MTPAP: variants seen among roughly 807,000 people sequenced by gnomAD.
The protein encoded by MTPAP is mitochondrial poly(A) polymerase.
MTPAP carries 23 observed loss-of-function variants against 48.7 expected under a neutral mutation model. The ratio of observed to expected loss-of-function variants is 0.47; its 90% CI spans 0.34 to 0.67. The LOEUF is 0.67. Ranked by LOEUF, MTPAP falls within the 30% of genes least tolerant of loss-of-function variation. MTPAP has a pLI of 0.01. For missense variants in MTPAP, 614 were observed against 694.3 expected, an observed-to-expected ratio of 0.88 and a Z score of 1.30; for synonymous variants, 257 against 254.1, an observed-to-expected ratio of 1.01 and a Z score of -0.11.
chr10:30,322,377 CT>C lies in MTPAP; in HGVS notation c.1219+13del, dbSNP rs1183753338. On this transcript the variant is annotated intron_variant, in intron 6 of 8. Coordinates refer to ENST00000263063, the MANE Select transcript of MTPAP (RefSeq NM_018109.4). ...TTGGAAAAAGAAAATGGAGAAGTTT[CT>C]TTCTAGTCTTACCTGCTAGGGTTTT... is the stretch of plus-strand genomic sequence containing the variant. 5.2e-6 allele frequency: 8 copies of C among 1,551,778 alleles called. No homozygotes were observed. Among genetic ancestry groups the C allele is most frequent in the Non-Finnish European group, 6.2e-6 (7 of 1,123,812 alleles).
chr10:30,338,051 G>A (rs2132864813), intron 3 of MTPAP, among the ~76,000 whole-genome samples: 1 of 152,030 alleles, frequency 6.6e-6, no homozygotes, highest in South Asian at 2.1e-4. Context: ...CTTGAGCTCA[G>A]GAGTGAGACC....
At chr10:30,340,779 C>T (rs1305976187) in intron 2 of MTPAP, among the ~76,000 whole-genome samples, 2 of 151,900 alleles carry the variant, frequency 1.3e-5, no homozygotes, top group Non-Finnish European at 2.9e-5. Flanking sequence ...ATTAGCCAGG[C>T]GTGGTGGCAG....
chr10:30,315,868 A>C, intron 8 of MTPAP, 95 bp downstream of exon 8: 3 of 1,288,370 alleles, frequency 2.3e-6, no homozygotes, highest in Non-Finnish European at 3.2e-6. Context: ...AAAAGAAATA[A>C]ATAACATTTA....
At chr10:30,342,853 T>C (rs1039083289) in intron 1 of MTPAP, among the ~76,000 whole-genome samples, 2 of 152,192 alleles carry the variant, frequency 1.3e-5, no homozygotes, top group Non-Finnish European at 2.9e-5. Context: ...CTGATAATTT[T>C]ACTAAGGAAA....
chr10:30,332,534 T>C (rs1834680940), intron 4 of MTPAP, among the ~76,000 whole-genome samples: 1 of 152,118 alleles, frequency 6.6e-6, no homozygotes, highest in Admixed American at 6.5e-5. Flanking sequence ...CCTCAAGTGA[T>C]CCACCCGACT....
At chr10:30,323,164 G>A (rs1390766190) in intron 5 of MTPAP, among the ~76,000 whole-genome samples, 9 of 140,316 alleles carry the variant, frequency 6.4e-5, no homozygotes, top group African/African-American at 2.4e-4. Context: ...AGAAAATGTA[G>A]ATCTAGGACC....
At chr10:30,314,015 G>C in intron 8 of MTPAP, 44 bp from the exon 9 acceptor site, 1 of 1,592,650 alleles carries the variant, frequency 6.3e-7, no homozygotes, top group Non-Finnish European at 8.6e-7. Flanking sequence ...AGTACATGAA[G>C]GGCTTAAATA....
At chr10:30,348,363 C>A (rs1165724387) in intron 1 of MTPAP, among the ~76,000 whole-genome samples, 1 of 152,196 alleles carries the variant, frequency 6.6e-6, no homozygotes, top group African/African-American at 2.4e-5. Context: ...TCTAAATTAA[C>A]TGAGCTAGTG....
At chr10:30,341,702 G>T in intron 1 of MTPAP, 62 bp from the exon 2 acceptor site, 1 of 1,582,512 alleles carries the variant, frequency 6.3e-7, no homozygotes, top group Non-Finnish European at 8.6e-7. Context: ...AAAATATTTT[G>T]ATAAGGTGTT....
chr10:30,317,488 T>A (rs185048942), intron 6 of MTPAP, among the ~76,000 whole-genome samples: 9 of 152,322 alleles, frequency 5.9e-5, no homozygotes, highest in African/African-American at 9.6e-5. Flanking sequence ...AGTATTTATA[T>A]CTTAAGAGGT....
intron 4 of MTPAP, among the ~76,000 whole-genome samples, chr10:30,332,690 C>T (rs1834683732): frequency 6.6e-6 from 1 of 152,114 alleles, no homozygotes; most frequent in African/African-American, 2.4e-5. Flanking sequence ...TAAGACTCAA[C>T]TAAAAGTTTC....
intron 4 of MTPAP, among the ~76,000 whole-genome samples, chr10:30,330,874 T>C (rs1472284550): frequency 2.6e-5 from 4 of 152,234 alleles, no homozygotes; most frequent in Admixed American, 6.5e-5. Flanking sequence ...GATGAAACAC[T>C]GGTCAGCCTG....
rs571234586 is a variant in MTPAP at position 30,346,527 on chromosome 10, T to C, written c.157+2592A>G. The stretch of plus-strand genomic sequence containing the variant: ...TCTCTTAATAGTTTTCCAAGCACTG[T>C]CACATACACACTCTTCTGAAATTCA... On this transcript the variant is annotated intron_variant, in intron 1 of 8. Coordinates refer to ENST00000263063, the MANE Select transcript of MTPAP (RefSeq NM_018109.4). Among the ~76,000 whole-genome samples, 5 of 152,292 alleles carry C rather than the reference T, an allele frequency of 3.3e-5. No individual in the cohort carries two copies. In the East Asian group the frequency reaches 7.7e-4, roughly 24 times the overall value.
rs142951645 is a variant in MTPAP, at chr10:30,322,023, A to C, written c.1219+368T>G. Among the ~76,000 whole-genome samples the C allele has an allele frequency of 2.9e-3, 444 of 152,366 alleles. 1 individual carries two copies. Among genetic ancestry groups the C allele is most frequent in the Middle Eastern group, 6.8e-3 (2 of 294 alleles). ...AAGCAGTTTTAGTATCTCTAATACA[A>C]GTCTAAACATAAGTTCAGATTTGAA... is the stretch of plus-strand genomic sequence containing the variant. On this transcript the variant is annotated intron_variant, in intron 6 of 8. Transcript: ENST00000263063.
chr10:30,324,715 G>C (rs1834560857), intron 5 of MTPAP, among the ~76,000 whole-genome samples: 2 of 151,852 alleles, frequency 1.3e-5, no homozygotes, highest in Non-Finnish European at 2.9e-5. Context: ...AAGAATAGAA[G>C]AAACAAGGCC....
chr10:30,334,505 A>T (rs1425755328), intron 4 of MTPAP, among the ~76,000 whole-genome samples: 1 of 152,030 alleles, frequency 6.6e-6, no homozygotes, highest in Non-Finnish European at 1.5e-5. Context: ...TATTAAAAAC[A>T]CAAAAATTAG....
In MTPAP at chr10:30,318,592, A is replaced by G. The variant is rs1840687446; in HGVS notation, c.1220-2382T>C. Among the ~76,000 whole-genome samples, 3 of 152,366 alleles carry G rather than the reference A, an allele frequency of 2.0e-5. No individual in the cohort carries two copies. In the South Asian group the frequency reaches 6.2e-4, roughly 32 times the overall value. On this transcript the variant is annotated intron_variant, in intron 6 of 8. Coordinates refer to ENST00000263063, the MANE Select transcript of MTPAP (RefSeq NM_018109.4). ...AACAAAAGTAGCAAAGCCAGAAAGC[A>G]TGGAAAACACAAGAAAATGAGACAT...
chr10:30,348,402 AC>A (rs1834895581), intron 1 of MTPAP, among the ~76,000 whole-genome samples: 1 of 152,206 alleles, frequency 6.6e-6, no homozygotes. Context: ...ACCTCTTTGA[AC>A]CATTTTCTAC....
At chr10:30,316,093 A>C (rs1292992292) in intron 7 of MTPAP, 25 bp downstream of exon 7, 1 of 1,609,166 alleles carries the variant, frequency 6.2e-7, no homozygotes, top group Admixed American at 1.7e-5. Context: ...TCCAGAAAGG[A>C]TCAAGTAAAC....
Sources: allele counts gnomAD v4.1 joint callset (sites outside exome capture counted in the v4.1 genomes callset), GRCh38; gene constraint gnomAD v4.1.1; transcripts MANE v1.5; gene names NCBI Gene and HGNC (gene_info 2026-07-23, HGNC 2026-07-21).